ZNF578: variants seen among roughly 807,000 people sequenced by gnomAD.
ZNF578 encodes zinc finger protein 578.
ZNF578 carries 8 observed loss-of-function variants against 8.3 expected under a neutral mutation model. The ratio of observed to expected loss-of-function variants is 0.96; its 90% CI spans 0.56 to 1.74. ZNF578 has a LOEUF of 1.74. Ranked by LOEUF, ZNF578 falls within the 40% of genes most tolerant of loss-of-function variation. The pLI, the probability that ZNF578 is intolerant of heterozygous loss-of-function variation, is 0.00. For synonymous variants in ZNF578, 206 were observed against 232.2 expected (o/e 0.89, Z 1.03); for missense variants, 726 against 707.5 (o/e 1.03, Z -0.30).
intron 2 of ZNF578, among the ~76,000 whole-genome samples, chr19:52,470,251 A>T (rs1582914): frequency 0.9 from 136,470 of 152,130 alleles, 61,798 homozygotes; most frequent in Non-Finnish European, 0.96. Flanking sequence ...TCTTCTCAGG[A>T]TCCTCCCCCA....
intron 3 of ZNF578, among the ~76,000 whole-genome samples, chr19:52,500,606 C>T (rs780418904): frequency 2.6e-4 from 40 of 152,114 alleles, no homozygotes; most frequent in Admixed American, 4.6e-4. Flanking sequence ...CGGTGTCGAC[C>T]TCTTGACCCC....
intron 2 of ZNF578, among the ~76,000 whole-genome samples, chr19:52,466,645 G>A (rs1216827373): frequency 6.6e-6 from 1 of 152,144 alleles, no homozygotes; most frequent in Non-Finnish European, 1.5e-5. Context: ...CGATTTTTAA[G>A]AAGTTGTTGA....
chr19:52,480,610 AT>A (rs1437842730), intron 2 of ZNF578, among the ~76,000 whole-genome samples: 3 of 124,490 alleles, frequency 2.4e-5, no homozygotes, highest in Admixed American at 1.6e-4. Flanking sequence ...AAAAAAAAAA[AT>A]TTTTGGCCGG....
intron 5 of ZNF578, among the ~76,000 whole-genome samples, chr19:52,506,567 G>A (rs607436): frequency 0.22 from 32,257 of 149,876 alleles, 3,552 homozygotes; most frequent in Admixed American, 0.23. Flanking sequence ...TCCCAGGTCA[G>A]GCAATCTCCT....
At chr19:52,508,824 C>T (rs1237743815) in intron 5 of ZNF578, among the ~76,000 whole-genome samples, 10 of 148,584 alleles carry the variant, frequency 6.7e-5, no homozygotes, top group Non-Finnish European at 1.0e-4. Flanking sequence ...ATCTGATAAT[C>T]GCTTTTAGCC....
intron 2 of ZNF578, among the ~76,000 whole-genome samples, chr19:52,460,801 T>C (rs2059255501): frequency 6.6e-6 from 1 of 152,226 alleles, no homozygotes; most frequent in Non-Finnish European, 1.5e-5. Flanking sequence ...AATGCTTTTT[T>C]TGCATCAATT....
At chr19:52,487,960 C>CT (rs1446967558) in intron 2 of ZNF578, among the ~76,000 whole-genome samples, 22 of 67,702 alleles carry the variant, frequency 3.2e-4, no homozygotes, top group Admixed American at 6.4e-4. Context: ...GCCCCCCCCC[C>CT]TTTTTTTTTT....
At chr19:52,475,004 A>G (rs921258672) in intron 2 of ZNF578, 2 of 199,582 alleles carry the variant, frequency 1.0e-5, no homozygotes, top group Non-Finnish European at 2.3e-5. Flanking sequence ...GAATTCTCAG[A>G]TGTTCTGCAA....
intron 5 of ZNF578, among the ~76,000 whole-genome samples, chr19:52,505,975 G>T (rs1295427651): frequency 7.9e-5 from 12 of 151,420 alleles, no homozygotes. Context: ...TTGGCTCACT[G>T]CACCCTCCAC....
At chr19:52,490,916 G>A (rs1183058302) in intron 2 of ZNF578, among the ~76,000 whole-genome samples, 1 of 152,158 alleles carries the variant, frequency 6.6e-6, no homozygotes, top group Non-Finnish European at 1.5e-5. Context: ...TACCAATATA[G>A]TATATTGTAT....
At chr19:52,504,323 T>G (rs183936144) in intron 4 of ZNF578, among the ~76,000 whole-genome samples, 2,714 of 146,568 alleles carry the variant, frequency 0.019, 47 homozygotes, top group Non-Finnish European at 0.028. Flanking sequence ...ACTCTTGAAC[T>G]CAAATAATCT....
Position 52,515,084 on chromosome 19 carries a change from C to T in ZNF578, c.*2930C>T, listed in dbSNP as rs1020173260. Reference sequence around the variant, plus strand: ...TTCAAGTGATTTCTCCTGCCTCATCCTACTGAGTAGTTGGGATTACAGGTG... The same window carrying T: ...TTCAAGTGATTTCTCCTGCCTCATCTTACTGAGTAGTTGGGATTACAGGTG... On this transcript the variant is annotated 3_prime_UTR_variant, in exon 6 of 6. Coordinates refer to ENST00000421239, the MANE Select transcript of ZNF578 (RefSeq NM_001099694.2). 4.6e-5 allele frequency among the ~76,000 whole-genome samples: 7 copies of T among 151,174 alleles called. No individual in the cohort carries two copies. The highest frequency in any genetic ancestry group is 1.7e-4 in the African/African-American group (7 of 41,080).
Position 52,514,524 on chromosome 19 carries a change from T to C in ZNF578, c.*2370T>C, listed in dbSNP as rs2059464614. Among the ~76,000 whole-genome samples the C allele has an allele frequency of 6.6e-6, 1 of 152,228 alleles. No homozygotes were observed. Among genetic ancestry groups the C allele is most frequent in the African/African-American group, 2.4e-5 (1 of 41,460 alleles). ...AAGCAGTTAGTCTGTTTTTCAGTTT[T>C]CTTTCCTTATGTCATTTTTTAAAAT... On this transcript the variant is annotated 3_prime_UTR_variant, in exon 6 of 6. Transcript: ENST00000421239.
chr19:52,513,250 G>A lies in ZNF578; in HGVS notation c.*1096G>A, dbSNP rs899714307. Among the ~76,000 whole-genome samples, 9 of 151,338 alleles carry A rather than the reference G, an allele frequency of 5.9e-5. No homozygotes were observed. The highest frequency in any genetic ancestry group is 9.7e-5 in the African/African-American group (4 of 41,270). ...TTGGTCAGGCTGGTCTCAAACTCCC[G>A]ATCTCAGGTGATCCGCCCACCTCAG... is the stretch of plus-strand genomic sequence containing the variant. On this transcript the variant is annotated 3_prime_UTR_variant, in exon 6 of 6. Transcript: ENST00000421239.
intron 2 of ZNF578, among the ~76,000 whole-genome samples, chr19:52,464,128 G>A (rs200133760): frequency 6.6e-6 from 1 of 152,094 alleles, no homozygotes; most frequent in Non-Finnish European, 1.5e-5. Flanking sequence ...TAAATATACT[G>A]TAAGTGTTTT....
At chr19:52,497,865 G>T (rs329928) in intron 3 of ZNF578, among the ~76,000 whole-genome samples, 2,899 of 152,200 alleles carry the variant, frequency 0.019, 98 homozygotes, top group African/African-American at 0.067. Context: ...TCCCCCTCAA[G>T]TCCCTCTGGT....
intron 5 of ZNF578, among the ~76,000 whole-genome samples, chr19:52,508,188 T>C (rs1426543465): frequency 3.3e-5 from 5 of 151,300 alleles, no homozygotes; most frequent in African/African-American, 7.3e-5. Flanking sequence ...CTACTAATAA[T>C]ATAAAAATTT....
intron 2 of ZNF578, among the ~76,000 whole-genome samples, chr19:52,466,601 C>T (rs556001788): frequency 1.3e-5 from 2 of 152,094 alleles, no homozygotes; most frequent in African/African-American, 4.8e-5. Context: ...TTTCATTGTT[C>T]CATACATGCT....
intron 4 of ZNF578, among the ~76,000 whole-genome samples, chr19:52,502,794 A>G (rs1468008079): frequency 2.0e-5 from 3 of 151,940 alleles, no homozygotes; most frequent in Non-Finnish European, 4.4e-5. Context: ...CTGGAGTACA[A>G]TGGCACAATT....
Sources: gnomAD v4.1 joint callset for allele counts (sites outside exome capture counted in the v4.1 genomes callset) on GRCh38, gnomAD v4.1.1 for gene constraint, MANE v1.5 for transcripts, NCBI Gene and HGNC (gene_info 2026-07-23, HGNC 2026-07-21) for gene names.